Variants in ZNF710 observed in about 807,000 individuals in gnomAD.
The protein encoded by ZNF710 is zinc finger protein 710.
ZNF710 carries 13 observed loss-of-function variants against 50.6 expected under a neutral mutation model. The ratio of observed to expected loss-of-function variants is 0.26; its 90% confidence interval spans 0.17 to 0.41. ZNF710 has a LOEUF of 0.41. Ranked by LOEUF, ZNF710 falls within the 10% of genes least tolerant of loss-of-function variation. ZNF710 has a pLI of 1.00. For missense variants in ZNF710, 721 were observed against 936.6 expected (o/e 0.77, Z 3.01); for synonymous variants, 383 against 397.0 (o/e 0.96, Z 0.42).
Position 90,067,064 on chromosome 15 carries a change from T to G in ZNF710, c.-28-46T>G. 1.3e-6 allele frequency: 2 copies of G among 1,524,070 alleles called. No homozygotes were observed. The highest frequency in any genetic ancestry group is 1.8e-6 in the Non-Finnish European group (2 of 1,136,658). 94.4% of individuals were successfully genotyped at this position (1,524,070 alleles called of 1,614,324 possible). ...CTGTGCTGTGTCTGTTGTCTGTCTGTGCAGGAGTGAGCCAGCAATATTAAC... is the reference window on the plus strand; with the variant it reads ...CTGTGCTGTGTCTGTTGTCTGTCTGGGCAGGAGTGAGCCAGCAATATTAAC... On this transcript the variant is annotated intron_variant, in intron 1 of 4. Coordinates refer to ENST00000268154, the MANE Select transcript of ZNF710 (RefSeq NM_198526.4). This position sits in a 1 kb window ranked among gnomAD's most constrained non-coding sequence, Gnocchi z 8.1.
At chr15:90,063,483 C>G (rs1025809714) in intron 1 of ZNF710, among the ~76,000 whole-genome samples, 2 of 152,080 alleles carry the variant, frequency 1.3e-5, no homozygotes, top group African/African-American at 2.4e-5. Flanking sequence ...TGGCAGCTCT[C>G]TGTGCCCCTG....
chr15:90,003,526 T>A (rs902764775), intron 1 of ZNF710, among the ~76,000 whole-genome samples: 5 of 151,996 alleles, frequency 3.3e-5, no homozygotes, highest in African/African-American at 1.2e-4. Context: ...TGTGTCCCTA[T>A]TGCATCTTCA....
intron 1 of ZNF710, among the ~76,000 whole-genome samples, chr15:90,016,737 C>T (rs1056610628): frequency 3.3e-5 from 5 of 152,110 alleles, no homozygotes; most frequent in Admixed American, 6.6e-5. Flanking sequence ...TTTTTTTAAC[C>T]AACATTTCAT....
At chr15:90,018,807 A>T (rs1439648733) in intron 1 of ZNF710, among the ~76,000 whole-genome samples, 2 of 152,164 alleles carry the variant, frequency 1.3e-5, no homozygotes, top group African/African-American at 2.4e-5. Flanking sequence ...GGAGGATTCT[A>T]ATTTCCCTGT....
chr15:90,041,925 T>G (rs1596283386), intron 1 of ZNF710, among the ~76,000 whole-genome samples: 1 of 144,958 alleles, frequency 6.9e-6, no homozygotes, highest in Non-Finnish European at 1.5e-5. Context: ...TGAGATAGAG[T>G]TTCGCTCTGT....
intron 1 of ZNF710, among the ~76,000 whole-genome samples, chr15:90,060,986 G>A (rs1042052849): frequency 6.6e-6 from 1 of 152,216 alleles, no homozygotes; most frequent in Non-Finnish European, 1.5e-5. Flanking sequence ...GGATAAGTTC[G>A]AGGCACTGCT....
chr15:90,072,844 C>T (rs1013598872), intron 2 of ZNF710, among the ~76,000 whole-genome samples: 2 of 152,224 alleles, frequency 1.3e-5, no homozygotes, highest in Non-Finnish European at 2.9e-5. Flanking sequence ...AAAGCACAGC[C>T]TATTTCTATT....
At chr15:90,049,688 C>T (rs1899578252) in intron 1 of ZNF710, among the ~76,000 whole-genome samples, 1 of 152,140 alleles carries the variant, frequency 6.6e-6, no homozygotes, top group Non-Finnish European at 1.5e-5. Context: ...GCCCTCGAGA[C>T]CCTCTTCCGT....
At chr15:90,003,054 T>G (rs1394029135) in intron 1 of ZNF710, among the ~76,000 whole-genome samples, 1 of 152,190 alleles carries the variant, frequency 6.6e-6, no homozygotes, top group Non-Finnish European at 1.5e-5. Context: ...TTAATTATTT[T>G]TAGGAGAGAC....
intron 1 of ZNF710, among the ~76,000 whole-genome samples, chr15:90,055,564 C>T (rs1899786743): frequency 6.6e-6 from 1 of 152,202 alleles, no homozygotes; most frequent in African/African-American, 2.4e-5. Flanking sequence ...CCGATTGGTA[C>T]AAGCATAAGG....
chr15:90,043,381 T>C (rs1172294860), intron 1 of ZNF710, among the ~76,000 whole-genome samples: 1 of 152,174 alleles, frequency 6.6e-6, no homozygotes, highest in Non-Finnish European at 1.5e-5. Flanking sequence ...CCCAGGACCC[T>C]ATGGGAGGAG....
intron 1 of ZNF710, among the ~76,000 whole-genome samples, chr15:90,060,413 G>T (rs1370811367): frequency 6.6e-6 from 1 of 152,052 alleles, no homozygotes; most frequent in Non-Finnish European, 1.5e-5. Flanking sequence ...AATTAGACAG[G>T]TGTGGTGGCA....
intron 1 of ZNF710, among the ~76,000 whole-genome samples, chr15:90,028,673 G>A (rs1161454798): frequency 1.3e-5 from 2 of 152,184 alleles, no homozygotes; most frequent in Non-Finnish European, 2.9e-5. Context: ...TATCTTCTCT[G>A]TGCGTGAATG....
rs1018812154 is a variant in ZNF710 at position 90,041,148 on chromosome 15, T to C, written c.-28-25962T>C. Among the ~76,000 whole-genome samples, 20 of 152,306 alleles carry C rather than the reference T, an allele frequency of 1.3e-4. 1 individual carries two copies. The highest frequency in any genetic ancestry group is 3.8e-4 in the African/African-American group (16 of 41,580). ...TCACTGATCAATTCTGTTTTTTTTT[T>C]CTAGACACCTAGGTATCTTGCCAGT... On this transcript the variant is annotated intron_variant, in intron 1 of 4. Transcript: ENST00000268154.
intron 1 of ZNF710, among the ~76,000 whole-genome samples, chr15:90,041,740 A>G (rs1237223658): frequency 1.3e-5 from 2 of 152,092 alleles, no homozygotes; most frequent in Admixed American, 6.6e-5. Flanking sequence ...GTGCACTGCT[A>G]TCTCCCTAGG....
intron 1 of ZNF710, among the ~76,000 whole-genome samples, chr15:90,035,082 G>A (rs144889685): frequency 1.4e-4 from 21 of 152,362 alleles, no homozygotes; most frequent in Non-Finnish European, 2.8e-4. Context: ...ACCAGGCAGA[G>A]AAGGGGAGCA....
At chr15:90,053,659 A>G (rs1341962301) in intron 1 of ZNF710, among the ~76,000 whole-genome samples, 1 of 151,946 alleles carries the variant, frequency 6.6e-6, no homozygotes. Flanking sequence ...TCCTGCCTGG[A>G]GCTGGTCATG....
At chr15:90,027,041 C>CAT (rs753962461) in intron 1 of ZNF710, among the ~76,000 whole-genome samples, 1 of 152,068 alleles carries the variant, frequency 6.6e-6, no homozygotes, top group South Asian at 2.1e-4. Context: ...GAAACAGAAA[C>CAT]ATATAAATAT....
At position 90,034,779 on chromosome 15, in the gene ZNF710, T is replaced by C. The variant is rs1020621816; in HGVS notation, c.-28-32331T>C. ...GGCTCCACCTGCCTCAGGTTTTGCC[T>C]GCAGGTGCATTTCCTTTGCACACCT... On this transcript the variant is annotated intron_variant, in intron 1 of 4. Transcript: ENST00000268154. The surrounding 1 kb of genome is among the most constrained non-coding windows in gnomAD (Gnocchi z 4.0). Among the ~76,000 whole-genome samples, 1 of 152,232 alleles carries C rather than the reference T, an allele frequency of 6.6e-6. No individual in the cohort carries two copies. Among genetic ancestry groups the C allele is most frequent in the Non-Finnish European group, 1.5e-5 (1 of 68,040 alleles).
Sources: allele counts gnomAD v4.1 joint callset (sites outside exome capture counted in the v4.1 genomes callset), GRCh38; gene constraint gnomAD v4.1.1; non-coding constraint Gnocchi (gnomAD v3.1); transcripts MANE v1.5; gene names NCBI Gene and HGNC (gene_info 2026-07-23, HGNC 2026-07-21).